The following DLGAP4 variants were observed in gnomAD, a reference collection of about 807,000 sequenced individuals.
DLGAP4 encodes the protein disks large-associated protein 4.
A neutral mutation model predicts 86.9 loss-of-function variants in DLGAP4; 18 were observed. The observed-to-expected ratio is 0.21, with a 90% confidence interval of 0.14 to 0.31. DLGAP4 has a LOEUF of 0.31. Ranked by LOEUF, DLGAP4 falls within the 10% of genes least tolerant of loss-of-function variation. The probability of loss-of-function intolerance (pLI) is 1.00; values close to 1 mark genes in which losing one functional copy is unlikely to be tolerated. For missense variants in DLGAP4, 1,085 were observed against 1,362.6 expected, an observed-to-expected ratio of 0.80 and a Z score of 3.21; for synonymous variants, 548 against 574.3, an observed-to-expected ratio of 0.95 and a Z score of 0.65.
chr20:36,420,965 ACT>A (rs1000245325), intron 2 of DLGAP4, among the ~76,000 whole-genome samples: 5 of 150,238 alleles, frequency 3.3e-5, no homozygotes, highest in African/African-American at 7.4e-5. Context: ...AAGAGCGAAA[ACT>A]CTGTCTCAAG....
intron 7 of DLGAP4, among the ~76,000 whole-genome samples, chr20:36,495,127 G>A (rs1392027979): frequency 2.0e-5 from 3 of 151,738 alleles, no homozygotes. Context: ...TGATAGCTAG[G>A]ATTACAGGCG....
intron 7 of DLGAP4, among the ~76,000 whole-genome samples, chr20:36,471,038 G>T (rs1444795573): frequency 1.3e-5 from 2 of 152,116 alleles, no homozygotes; most frequent in African/African-American, 4.8e-5. Context: ...TTAAAATTTT[G>T]TCATGTATTT....
chr20:36,416,070 G>A (rs955620586), intron 2 of DLGAP4, among the ~76,000 whole-genome samples: 2 of 152,166 alleles, frequency 1.3e-5, no homozygotes, highest in Non-Finnish European at 2.9e-5. Context: ...GGTCCTTTAT[G>A]CTTGGGATGA....
At chr20:36,339,923 C>T (rs1422306637) in intron 1 of DLGAP4, among the ~76,000 whole-genome samples, 11 of 152,282 alleles carry the variant, frequency 7.2e-5, no homozygotes, top group East Asian at 1.9e-4. Flanking sequence ...TCTGGACCTC[C>T]GGCAAGAGGT....
At position 36,325,747 on chromosome 20, in the gene DLGAP4, C is replaced by T. The variant is rs140070085; in HGVS notation, c.-304+19235C>T. 8.0e-3 allele frequency among the ~76,000 whole-genome samples: 1,195 copies of T among 148,572 alleles called. 14 individuals are homozygous for T. The highest frequency in any genetic ancestry group is 0.028 in the African/African-American group (1,141 of 40,350). ...TTTTTTTTTTTTTGAGACTGAGTCT[C>T]GCTCTGTTGCCTGGGCTGGAGTACA... is the stretch of plus-strand genomic sequence containing the variant. On this transcript the variant is annotated intron_variant, in intron 1 of 12. Coordinates refer to ENST00000339266, the MANE Select transcript of DLGAP4 (RefSeq NM_001365621.2).
intron 10 of DLGAP4, among the ~76,000 whole-genome samples, chr20:36,502,189 G>A (rs1335424689): frequency 6.6e-6 from 1 of 152,124 alleles, no homozygotes; most frequent in Non-Finnish European, 1.5e-5. Context: ...ATGATAAATA[G>A]TAATCAGTGT....
intron 7 of DLGAP4, among the ~76,000 whole-genome samples, chr20:36,478,845 G>A (rs2035058712): frequency 1.3e-5 from 2 of 152,206 alleles, no homozygotes; most frequent in Non-Finnish European, 1.5e-5. Context: ...TTCCTTAGTA[G>A]CACAGGGGTG....
intron 2 of DLGAP4, among the ~76,000 whole-genome samples, chr20:36,402,281 C>G (rs1199515312): frequency 6.6e-6 from 1 of 152,198 alleles, no homozygotes; most frequent in East Asian, 1.9e-4. Flanking sequence ...ATCTCTACCA[C>G]TTACCAACTG....
chr20:36,475,097 C>T (rs2034850363), intron 7 of DLGAP4, among the ~76,000 whole-genome samples: 1 of 150,808 alleles, frequency 6.6e-6, no homozygotes, highest in Non-Finnish European at 1.5e-5. Context: ...CTTGAGGGAA[C>T]AGGAGAGGTA....
At chr20:36,422,210 G>C (rs1342475704) in intron 2 of DLGAP4, among the ~76,000 whole-genome samples, 2 of 152,158 alleles carry the variant, frequency 1.3e-5, no homozygotes, top group Non-Finnish European at 2.9e-5. Flanking sequence ...GGCAGAGAAT[G>C]TGTCCTCCAT....
rs1407451246 is a variant in DLGAP4, at chr20:36,314,075, G to A, written c.-304+7563G>A. ...CACTTCCTCAGGGACCTGCCACCTCGGGGTGTGAGGGATTCCTGGAGGACT... is the reference window on the plus strand; with the variant it reads ...CACTTCCTCAGGGACCTGCCACCTCAGGGTGTGAGGGATTCCTGGAGGACT... On this transcript the variant is annotated intron_variant, in intron 1 of 12. Coordinates refer to ENST00000339266, the MANE Select transcript of DLGAP4 (RefSeq NM_001365621.2). 4.6e-5 allele frequency among the ~76,000 whole-genome samples: 7 copies of A among 152,136 alleles called. No individual in the cohort carries two copies. The East Asian group carries it at 1.4e-3, about 30-fold the overall frequency.
chr20:36,380,335 A>C (rs1600458025), intron 2 of DLGAP4, among the ~76,000 whole-genome samples: 1 of 152,138 alleles, frequency 6.6e-6, no homozygotes, highest in South Asian at 2.1e-4. Context: ...ACTTGAGCCC[A>C]GGAGGTCTAG....
intron 10 of DLGAP4, among the ~76,000 whole-genome samples, chr20:36,512,345 T>G (rs1032828180): frequency 1.3e-5 from 2 of 152,094 alleles, no homozygotes; most frequent in Non-Finnish European, 2.9e-5. Flanking sequence ...CCACCATGCC[T>G]GGCCCCTTGT....
intron 1 of DLGAP4, among the ~76,000 whole-genome samples, chr20:36,332,636 C>T (rs771915174): frequency 6.6e-6 from 1 of 152,210 alleles, no homozygotes; most frequent in East Asian, 1.9e-4. Flanking sequence ...GTGATCCGCC[C>T]GCCTGTGCCA....
intron 1 of DLGAP4, among the ~76,000 whole-genome samples, chr20:36,313,738 G>A: frequency 6.6e-6 from 1 of 152,282 alleles, no homozygotes; most frequent in Middle Eastern, 3.4e-3. Context: ...TAACATCTGG[G>A]GAAACTGAGG....
intron 2 of DLGAP4, among the ~76,000 whole-genome samples, chr20:36,388,569 G>T (rs1331545807): frequency 6.6e-6 from 1 of 152,172 alleles, no homozygotes; most frequent in Non-Finnish European, 1.5e-5. Context: ...CTTAGTGGCA[G>T]GCAGCGTGGT....
intron 2 of DLGAP4, among the ~76,000 whole-genome samples, chr20:36,391,673 C>T (rs2031787576): frequency 6.6e-6 from 1 of 152,212 alleles, no homozygotes; most frequent in Non-Finnish European, 1.5e-5. Context: ...CTCTGAGCTC[C>T]AGTCCCTTTG....
chr20:36,385,441 G>A (rs1036993407), intron 2 of DLGAP4, among the ~76,000 whole-genome samples: 49 of 152,140 alleles, frequency 3.2e-4, no homozygotes, highest in African/African-American at 1.1e-3. Context: ...AGGAGGGAAA[G>A]ACTGCCCCCT....
rs1365286959 is a variant in DLGAP4 at position 36,525,231 on chromosome 20, AAAAAAAAAAAAAAAAAAAAAAAAC to A, written c.2605-616_2605-593del. On this transcript the variant is annotated intron_variant, in intron 11 of 12. Transcript: ENST00000339266. ...GACTCCGTCTCAAAAAAAAAAAAAA[AAAAAAAAAAAAAAAAAAAAAAAAC>A]AAAGAAATCCCACTGCTGGGATTGG... Among the ~76,000 whole-genome samples, 62 of 109,322 alleles carry A rather than the reference AAAAAAAAAAAAAAAAAAAAAAAAC, an allele frequency of 5.7e-4. 4 individuals carry two copies. The highest frequency in any genetic ancestry group is 9.7e-4 in the Non-Finnish European group (52 of 53,734). 71.7% of individuals were successfully genotyped at this position (109,322 alleles called of 152,430 possible).
Sources: allele counts gnomAD v4.1 joint callset (sites outside exome capture counted in the v4.1 genomes callset), GRCh38; gene constraint gnomAD v4.1.1; transcripts MANE v1.5; gene names NCBI Gene and HGNC (gene_info 2026-07-23, HGNC 2026-07-21).